Variants in STON2 observed in about 807,000 individuals in gnomAD.
STON2 encodes the protein stonin-2.
A neutral mutation model predicts 65.7 loss-of-function variants in STON2; 29 were observed. The observed-to-expected ratio is 0.44, with a 90% CI of 0.33 to 0.60. The LOEUF is 0.60. STON2 is among the 20% of genes least tolerant of loss of function. The pLI is 0.03. For synonymous variants in STON2, 404 were observed against 414.2 expected, an observed-to-expected ratio of 0.98 and a Z score of 0.30; for missense variants, 1,054 against 1,118.1, an observed-to-expected ratio of 0.94 and a Z score of 0.82.
At chr14:81,290,019 T>C (rs1169458934) in intron 5 of STON2, among the ~76,000 whole-genome samples, 1 of 152,204 alleles carries the variant, frequency 6.6e-6, no homozygotes, top group Non-Finnish European at 1.5e-5. Flanking sequence ...CCCTCACTGC[T>C]TCCTTCAATA....
At chr14:81,354,159 G>A (rs7147254) in intron 4 of STON2, among the ~76,000 whole-genome samples, 44,299 of 151,918 alleles carry the variant, frequency 0.29, 6,736 homozygotes, top group East Asian at 0.4. Context: ...CCTGTGGCCT[G>A]GCCCAATCTG....
In STON2 at chr14:81,264,066, T is replaced by A. The variant is rs1212674587; in HGVS notation, c.*4348A>T. Reference sequence around the variant, plus strand: ...CACTCTATCAAATGCTTTCTTTTCCTACTGACCATTGAAATGGGCAAGGCT... The same window carrying A: ...CACTCTATCAAATGCTTTCTTTTCCAACTGACCATTGAAATGGGCAAGGCT... On this transcript the variant is annotated 3_prime_UTR_variant, in exon 8 of 8. Coordinates refer to ENST00000614646, the MANE Select transcript of STON2 (RefSeq NM_001394390.1). 1.0e-6 allele frequency: 1 copy of A among 985,328 alleles called. No individual in the cohort carries two copies. The highest frequency in any genetic ancestry group is 1.1e-4 in the East Asian group (1 of 8,826). The allele number at this position is 985,328 out of a possible 1,614,324, so 61.0% of individuals were successfully genotyped here.
intron 5 of STON2, among the ~76,000 whole-genome samples, chr14:81,298,414 T>TA (rs1555396820): frequency 2.7e-5 from 3 of 111,974 alleles, no homozygotes; most frequent in East Asian, 7.3e-4. Context: ...CTGCTTCAGA[T>TA]GGGGGGGGGG....
intron 4 of STON2, among the ~76,000 whole-genome samples, chr14:81,367,012 G>T (rs934293262): frequency 1.4e-4 from 22 of 152,088 alleles, no homozygotes; most frequent in Non-Finnish European, 2.6e-4. Flanking sequence ...GGGGGTTTCG[G>T]TTTACCCAAC....
chr14:81,416,334 G>C lies in STON2; in HGVS notation c.-199+10768C>G, dbSNP rs1222655330. 2.0e-5 allele frequency among the ~76,000 whole-genome samples: 3 copies of C among 152,210 alleles called. No homozygotes were observed. The East Asian group carries it at 5.8e-4, about 29-fold the overall frequency. On this transcript the variant is annotated intron_variant, in intron 2 of 8. Transcript: ENST00000553821. ...TTGCTGATTTCATTCCTGTGGTCAT[G>C]GCATTCAGGAAGTGAAAGTGCAAAG...
chr14:81,299,884 ATT>A (rs34221546), intron 5 of STON2, among the ~76,000 whole-genome samples: 3 of 149,148 alleles, frequency 2.0e-5, no homozygotes, highest in African/African-American at 4.9e-5. Flanking sequence ...TGGAAAAAAA[ATT>A]TTTTTTTTTT....
At position 81,270,670 on chromosome 14, in the gene STON2, C is replaced by A; in HGVS notation, c.2784G>T (p.Gln928His). ...TTAGCCAGATGCTTCCCAAGGCTACCTGGTAGCTGTAGTGTGCAGAATAAT... is the reference window on the plus strand; with the variant it reads ...TTAGCCAGATGCTTCCCAAGGCTACATGGTAGCTGTAGTGTGCAGAATAAT... ...WVNYSAHYSY[Q>H]VEIEQKKSLK... The change falls in exon 7 of 8, where the codon CAG (glutamine) becomes CAT (histidine). Residue 928 changes from glutamine (Q) to histidine (H), a missense_variant and splice_region_variant. Physicochemically the swap from Gln to His is conservative, Grantham distance 24 (BLOSUM62 0). Transcript: ENST00000614646. 1.2e-6 allele frequency: 2 copies of A among 1,614,114 alleles called. No individual in the cohort carries two copies. Among genetic ancestry groups the A allele is most frequent in the Non-Finnish European group, 1.7e-6 (2 of 1,180,036 alleles).
At chr14:81,323,409 C>A (rs1896890338) in intron 5 of STON2, 1 of 151,118 alleles carries the variant, frequency 6.6e-6, no homozygotes, top group South Asian at 2.1e-4. Flanking sequence ...AAATGCCACA[C>A]AAATTCCACA....
At chr14:81,335,416 T>G (rs555279350) in intron 4 of STON2, among the ~76,000 whole-genome samples, 7 of 152,196 alleles carry the variant, frequency 4.6e-5, no homozygotes, top group African/African-American at 1.7e-4. Context: ...TTCCTGTCAT[T>G]TCCATCTAAT....
At position 81,303,940 on chromosome 14, in the gene STON2, T is replaced by C. The variant is rs1404153439; in HGVS notation, c.742+20077A>G. On this transcript the variant is annotated intron_variant, in intron 5 of 7. Transcript: ENST00000614646. ...ACCAGCACCCAGATCAAGAAACAATTGCCTTTGTGCTCCTGACCAACCTCT... is the reference window on the plus strand; with the variant it reads ...ACCAGCACCCAGATCAAGAAACAATCGCCTTTGTGCTCCTGACCAACCTCT... 3.3e-5 allele frequency among the ~76,000 whole-genome samples: 5 copies of C among 152,258 alleles called. No homozygotes were observed. In the East Asian group the frequency reaches 9.7e-4, roughly 29 times the overall value.
At chr14:81,313,321 C>G (rs1272381101) in intron 5 of STON2, among the ~76,000 whole-genome samples, 2 of 152,152 alleles carry the variant, frequency 1.3e-5, no homozygotes, top group African/African-American at 4.8e-5. Context: ...TCCTTGAGGA[C>G]AGAGACTGCA....
intron 3 of STON2, among the ~76,000 whole-genome samples, chr14:81,394,501 C>T (rs142105931): frequency 4.8e-4 from 73 of 152,152 alleles, no homozygotes; most frequent in Non-Finnish European, 8.8e-4. Flanking sequence ...GAATATGTTA[C>T]TTTATATGGC....
exon 2 of STON2, chr14:81,427,143 G>A (rs974321464): frequency 1.3e-5 from 2 of 152,234 alleles, no homozygotes; most frequent in Admixed American, 1.3e-4. Context: ...TGGCTCCAGA[G>A]TCTGTACTTG....
intron 5 of STON2, among the ~76,000 whole-genome samples, chr14:81,318,763 C>G (rs11626733): frequency 0.8 from 121,831 of 151,932 alleles, 49,030 homozygotes; most frequent in Non-Finnish European, 0.82. Flanking sequence ...AGACACAATA[C>G]TCACTTGAAC....
At chr14:81,281,865 T>C (rs951169631) in intron 5 of STON2, among the ~76,000 whole-genome samples, 2 of 152,206 alleles carry the variant, frequency 1.3e-5, no homozygotes, top group African/African-American at 4.8e-5. Flanking sequence ...GGGATTCTAT[T>C]TTCTTTCTGA....
chr14:81,352,339 T>C (rs1898055872), intron 4 of STON2, among the ~76,000 whole-genome samples: 1 of 152,354 alleles, frequency 6.6e-6, no homozygotes. Context: ...TGGAAGGTAC[T>C]GCTAATGTTA....
chr14:81,370,925 A>T, intron 4 of STON2, 63 bp downstream of exon 4: 2 of 1,479,686 alleles, frequency 1.4e-6, no homozygotes, highest in Non-Finnish European at 1.9e-6. Flanking sequence ...AAAGGACTTT[A>T]AAGTGGACCT....
intron 1 of STON2, among the ~76,000 whole-genome samples, chr14:81,430,851 G>A (rs766858635): frequency 6.6e-6 from 1 of 152,144 alleles, no homozygotes; most frequent in East Asian, 1.9e-4. Context: ...GTTATCCAGT[G>A]GGGATGGCAG....
chr14:81,375,876 A>C (rs1437049423), intron 3 of STON2, among the ~76,000 whole-genome samples: 1 of 151,288 alleles, frequency 6.6e-6, no homozygotes, highest in African/African-American at 2.4e-5. Flanking sequence ...TAGTTATCTA[A>C]CTAGTTGTCT....
Sources: gnomAD v4.1 joint callset for allele counts (sites outside exome capture counted in the v4.1 genomes callset) on GRCh38, gnomAD v4.1.1 for gene constraint, MANE v1.5 for transcripts, NCBI Gene and HGNC (gene_info 2026-07-23, HGNC 2026-07-21) for gene names.